DOCK5: variants seen among roughly 807,000 people sequenced by gnomAD.
The protein encoded by DOCK5 is dedicator of cytokinesis 5.
Under a neutral mutation model 251.8 loss-of-function variants are expected in DOCK5, and 142 were observed. That is an observed-to-expected ratio of 0.56 (90% CI 0.49 to 0.65). The LOEUF is 0.65. DOCK5 is among the 30% of genes least tolerant of loss of function. The pLI is 0.00. For synonymous variants in DOCK5, 842 were observed against 835.5 expected, an observed-to-expected ratio of 1.01 and a Z score of -0.13; for missense variants, 2,111 against 2,312.3, an observed-to-expected ratio of 0.91 and a Z score of 1.79.
intron 13 of DOCK5, among the ~76,000 whole-genome samples, chr8:25,312,975 G>C (rs1379980026): frequency 2.0e-5 from 3 of 152,078 alleles, no homozygotes; most frequent in African/African-American, 7.2e-5. Context: ...TCCAGTGCTA[G>C]TATGTGGATC....
Position 25,209,456 on chromosome 8 carries a change from AACCAGCTATTTG to A in DOCK5, c.43+24509_43+24520del, listed in dbSNP as rs1335407379. Among the ~76,000 whole-genome samples the A allele has an allele frequency of 8.5e-5, 6 of 70,836 alleles. 2 individuals are homozygous for A. Among genetic ancestry groups the A allele is most frequent in the South Asian group, 7.5e-4 (2 of 2,654 alleles). 46.5% of individuals were successfully genotyped at this position (70,836 alleles called of 152,430 possible). A position where few individuals can be genotyped will look rare whatever the true frequency, so the allele number is the denominator to read the frequency against. On this transcript the variant is annotated intron_variant, in intron 1 of 51. Transcript: ENST00000276440. ...GAATTCTGCTTCAAACTCTGCCACT[AACCAGCTATTTG>A]ACCTTCCAGAAGTTGCTTCTTCATC...
intron 1 of DOCK5, among the ~76,000 whole-genome samples, chr8:25,185,747 G>C (rs189004735): frequency 2.5e-3 from 377 of 152,312 alleles, no homozygotes; most frequent in African/African-American, 8.6e-3. Flanking sequence ...GAGAGCCCCG[G>C]GTTGTGCGCA....
chr8:25,368,396 T>C (rs1040806398), intron 32 of DOCK5, 146 bp downstream of exon 32: 5 of 1,085,292 alleles, frequency 4.6e-6, no homozygotes, highest in Non-Finnish European at 6.6e-6. Context: ...GTGGGTTTCA[T>C]TGACAATGAA....
chr8:25,351,650 C>T (rs978766307), intron 26 of DOCK5, 81 bp from the exon 27 acceptor site: 21 of 1,109,724 alleles, frequency 1.9e-5, no homozygotes, highest in Middle Eastern at 2.0e-4. Context: ...GATCTAAAGA[C>T]AAAACTCATC....
At chr8:25,391,543 T>C (rs925544408) in intron 42 of DOCK5, among the ~76,000 whole-genome samples, 1 of 151,818 alleles carries the variant, frequency 6.6e-6, no homozygotes, top group African/African-American at 2.4e-5. Flanking sequence ...GTGGCTGAGG[T>C]AGGAGAATCA....
chr8:25,405,342 T>C (rs540290831), intron 48 of DOCK5, among the ~76,000 whole-genome samples: 59 of 152,204 alleles, frequency 3.9e-4, no homozygotes, highest in African/African-American at 1.3e-3. Flanking sequence ...TTTATTCTAA[T>C]ATAAGATGTT....
At chr8:25,220,108 T>A (rs1802345013) in intron 1 of DOCK5, among the ~76,000 whole-genome samples, 1 of 152,088 alleles carries the variant, frequency 6.6e-6, no homozygotes, top group South Asian at 2.1e-4. Flanking sequence ...TATTATTATT[T>A]TAGTTTTTCC....
intron 29 of DOCK5, among the ~76,000 whole-genome samples, chr8:25,363,399 A>C (rs1800722897): frequency 6.6e-6 from 1 of 151,846 alleles, no homozygotes; most frequent in African/African-American, 2.4e-5. Context: ...GTCATCCTCA[A>C]CTCTCCACTG....
chr8:25,227,714 G>GGT (rs1197077586), intron 1 of DOCK5, among the ~76,000 whole-genome samples: 1 of 152,040 alleles, frequency 6.6e-6, no homozygotes, highest in African/African-American at 2.4e-5. Flanking sequence ...CATATAATCT[G>GGT]GTGTGTGTAT....
At chr8:25,368,926 A>G (rs1411273369) in intron 33 of DOCK5, among the ~76,000 whole-genome samples, 3 of 152,262 alleles carry the variant, frequency 2.0e-5, no homozygotes, top group Non-Finnish European at 4.4e-5. Flanking sequence ...TTTTTTTGCT[A>G]CATGTCTTTC....
chr8:25,319,762 T>G, intron 15 of DOCK5, 86 bp downstream of exon 15: 1 of 1,003,624 alleles, frequency 1.0e-6, no homozygotes, highest in Non-Finnish European at 1.4e-6. Flanking sequence ...TTATTCCTAC[T>G]TTATTTTGAA....
In DOCK5 at chr8:25,359,059, A is replaced by T; in HGVS notation, c.2947A>T (p.Ile983Phe). ...ISTFKTRQDI[I>F]DFLMETFIMF... ...CACTTTCAAAACCAGACAAGACATC[A>T]TCGTAAGTTGCCTTTACTGGTCCTG... Residue 983 changes from isoleucine (I) to phenylalanine (F), a missense_variant and splice_region_variant, in exon 28 of 52, where the codon ATC becomes TTC. Ile to Phe is a conservative substitution (Grantham distance 21). This residue lies in a region of DOCK5 where 1,717 missense variants were observed against 1,892.4 expected (regional missense o/e 0.91). Coordinates refer to ENST00000276440, the MANE Select transcript of DOCK5 (RefSeq NM_024940.8). 6.2e-7 allele frequency: 1 copy of T among 1,613,726 alleles called. No homozygotes were observed. Among genetic ancestry groups the T allele is most frequent in the Non-Finnish European group, 8.5e-7 (1 of 1,179,636 alleles).
intron 14 of DOCK5, 41 bp downstream of exon 14, chr8:25,317,172 G>T (rs762745500): frequency 1.4e-5 from 23 of 1,602,072 alleles, no homozygotes; most frequent in Non-Finnish European, 1.9e-5. Flanking sequence ...CATCGCATCC[G>T]TCTTTACAAT....
chr8:25,256,376 A>G (rs1281475265), intron 2 of DOCK5, among the ~76,000 whole-genome samples: 1 of 152,154 alleles, frequency 6.6e-6, no homozygotes, highest in Non-Finnish European at 1.5e-5. Context: ...CAATGGCTCA[A>G]GCCTGTAATC....
At chr8:25,240,968 C>T (rs1802924998) in intron 1 of DOCK5, among the ~76,000 whole-genome samples, 1 of 152,182 alleles carries the variant, frequency 6.6e-6, no homozygotes, top group Non-Finnish European at 1.5e-5. Flanking sequence ...CACATCAGTT[C>T]AATCTCAGCC....
At chr8:25,298,736 A>C (rs1249075516) in intron 7 of DOCK5, among the ~76,000 whole-genome samples, 1 of 152,026 alleles carries the variant, frequency 6.6e-6, no homozygotes, top group African/African-American at 2.4e-5. Flanking sequence ...AATTAAAAAA[A>C]AATTTTTTTG....
intron 1 of DOCK5, among the ~76,000 whole-genome samples, chr8:25,195,281 G>A (rs57755816): frequency 0.14 from 19,251 of 132,928 alleles, 2,215 homozygotes; most frequent in African/African-American, 0.35. Context: ...TTTTTAAGAT[G>A]GGCATCTTGC....
At chr8:25,401,530 C>T (rs560970598) in intron 47 of DOCK5, among the ~76,000 whole-genome samples, 121 of 152,196 alleles carry the variant, frequency 8.0e-4, no homozygotes, top group African/African-American at 2.8e-3. Context: ...GTCAGGAGTT[C>T]GAGACCAGCC....
At position 25,395,727 on chromosome 8, in the gene DOCK5, T is replaced by G. The variant is rs2117326649; in HGVS notation, c.4704+8T>G. 1.1e-5 allele frequency: 17 copies of G among 1,612,398 alleles called. No individual in the cohort carries two copies. Among genetic ancestry groups the G allele is most frequent in the Non-Finnish European group, 1.4e-5 (16 of 1,179,128 alleles). On this transcript the variant is annotated splice_region_variant and intron_variant, in intron 45 of 51. Coordinates refer to ENST00000276440, the MANE Select transcript of DOCK5 (RefSeq NM_024940.8). ...TTCTCCAACTATGAAAAGGTTCGCTTGGTCCCAGAATCCCCTAGGGATTCA... is the reference window on the plus strand; with the variant it reads ...TTCTCCAACTATGAAAAGGTTCGCTGGGTCCCAGAATCCCCTAGGGATTCA...
Sources: allele counts gnomAD v4.1 joint callset (sites outside exome capture counted in the v4.1 genomes callset), GRCh38; gene constraint gnomAD v4.1.1; regional missense constraint gnomAD v4.1.1; transcripts MANE v1.5; gene names NCBI Gene and HGNC (gene_info 2026-07-23, HGNC 2026-07-21).